Variants in ADO observed in about 807,000 individuals in gnomAD.
The protein encoded by ADO is 2-aminoethanethiol (cysteamine) dioxygenase.
ADO carries 9 observed loss-of-function variants against 16.6 expected under a neutral mutation model. That is an observed-to-expected ratio of 0.54 (90% CI 0.33 to 0.95). The LOEUF is 0.95. Ranked by LOEUF, ADO falls within the 40% of genes least tolerant of loss-of-function variation. The pLI is 0.03. For missense variants in ADO, 356 were observed against 386.4 expected, an observed-to-expected ratio of 0.92 and a Z score of 0.66; for synonymous variants, 189 against 179.6, an observed-to-expected ratio of 1.05 and a Z score of -0.42.
Position 62,805,434 on chromosome 10 carries a change from C to T in ADO, c.375C>T (p.Tyr125=), listed in dbSNP as rs1195494047. The change falls in exon 1 of 1, where the codon TAC becomes TAT. Residue 125 remains tyrosine, a synonymous_variant. Coordinates refer to ENST00000373783, the MANE Select transcript of ADO (RefSeq NM_032804.6). This position sits in a 1 kb window ranked among gnomAD's most constrained non-coding sequence, Gnocchi z 6.4. The part of the protein sequence containing the change: ...PGMHGMLKVL[Y]GTVRISCMDK... ...TGCACGGCATGCTCAAGGTGCTGTACGGCACCGTGCGCATCAGCTGCATGG... is the reference window on the plus strand; with the variant it reads ...TGCACGGCATGCTCAAGGTGCTGTATGGCACCGTGCGCATCAGCTGCATGG... 6 of 1,562,680 alleles carry T rather than the reference C, an allele frequency of 3.8e-6. No individual in the cohort carries two copies. In the African/African-American group the frequency reaches 5.4e-5, roughly 14 times the overall value.
chr10:62,806,114 G>A lies in ADO; in HGVS notation c.*242G>A, dbSNP rs1842051139. 2 of 477,928 alleles carry A rather than the reference G, an allele frequency of 4.2e-6. No individual in the cohort carries two copies. Among genetic ancestry groups the A allele is most frequent in the Middle Eastern group, 5.4e-4 (1 of 1,860 alleles). The allele number at this position is 477,928 out of a possible 1,614,324, so 29.6% of individuals were successfully genotyped here. A position where few individuals can be genotyped will look rare whatever the true frequency, so the allele number is the denominator to read the frequency against. ...CTGCCACTGGGGCTTTGATTTGGAG[G>A]AATGGGGCAGGGGACTATCTGAAGC... On this transcript the variant is annotated 3_prime_UTR_variant, in exon 1 of 1. Transcript: ENST00000373783.
rs1842028546 is a variant in ADO, at chr10:62,804,727, CG to C, written c.-331del. On this transcript the variant is annotated 5_prime_UTR_variant, in exon 1 of 1. Transcript: ENST00000373783. ...ATGCTCCGCAGGGTCCCCGGGCGCC[CG>C]GCCACCGTCGTAGGTGCGGGCCGCA... 5.2e-6 allele frequency: 1 copy of C among 191,412 alleles called. No homozygotes were observed. The highest frequency in any genetic ancestry group is 1.1e-5 in the Non-Finnish European group (1 of 94,078). 11.9% of individuals were successfully genotyped at this position (191,412 alleles called of 1,614,324 possible).
rs1411242487 is a variant in ADO at position 62,805,561 on chromosome 10, G to A, written c.502G>A (p.Gly168Ser). Residue 168 changes from glycine to serine, a missense_variant, in exon 1 of 1, where the codon GGC becomes AGC. Physicochemically the swap from Gly to Ser is moderately conservative, Grantham distance 56 (BLOSUM62 0). Transcript: ENST00000373783. This position sits in a 1 kb window ranked among gnomAD's most constrained non-coding sequence, Gnocchi z 6.4. ...QPREREAVRP[G>S]VLRSRAEYTE... ...CCGGGAGCGAGAAGCCGTGCGGCCGGGCGTGCTGCGTTCGCGGGCCGAGTA... is the reference window on the plus strand; with the variant it reads ...CCGGGAGCGAGAAGCCGTGCGGCCGAGCGTGCTGCGTTCGCGGGCCGAGTA... The A allele has an allele frequency of 6.4e-7, 1 of 1,561,282 alleles. No homozygotes were observed. Among genetic ancestry groups the A allele is most frequent in the Non-Finnish European group, 8.7e-7 (1 of 1,154,280 alleles).
chr10:62,808,044 A>G lies in ADO; in HGVS notation c.*2172A>G, dbSNP rs1842070250. On this transcript the variant is annotated 3_prime_UTR_variant, in exon 1 of 1. Transcript: ENST00000373783. ...AAAAGAAGTTTTAAAGTTTTCAATT[A>G]CGAGCAATTTGGAAGAAAAAACCTA... 1 of 167,200 alleles carries G rather than the reference A, an allele frequency of 6.0e-6. No individual in the cohort carries two copies. The highest frequency in any genetic ancestry group is 1.5e-5 in the Non-Finnish European group (1 of 68,122). The allele number at this position is 167,200 out of a possible 1,614,324, so 10.4% of individuals were successfully genotyped here.
chr10:62,805,248 C>T lies in ADO; in HGVS notation c.189C>T (p.Ala63=). Reference sequence around the variant, plus strand: ...AGAGCCTCCTGACCCAGCTCCGCGCCGAGGACTTGAACATCGCCCCGCGCA... The same window carrying T: ...AGAGCCTCCTGACCCAGCTCCGCGCTGAGGACTTGAACATCGCCCCGCGCA... ...KLKSLLTQLR[A]EDLNIAPRKA... Residue 63 remains alanine, a synonymous_variant, in exon 1 of 1, where the codon GCC becomes GCT. Coordinates refer to ENST00000373783, the MANE Select transcript of ADO (RefSeq NM_032804.6). The surrounding 1 kb of genome is among the most constrained non-coding windows in gnomAD (Gnocchi z 6.4). 6.2e-7 allele frequency: 1 copy of T among 1,603,690 alleles called. No individual in the cohort carries two copies. The highest frequency in any genetic ancestry group is 1.3e-5 in the African/African-American group (1 of 74,434).
rs1181417302 is a variant in ADO, at chr10:62,805,003, C to A, written c.-57C>A. 1.5e-6 allele frequency: 2 copies of A among 1,360,528 alleles called. No homozygotes were observed. The highest frequency in any genetic ancestry group is 4.0e-5 in the Admixed American group (1 of 25,270). The allele number at this position is 1,360,528 out of a possible 1,614,324, so 84.3% of individuals were successfully genotyped here. ...GGCAGCCGTGGCGGCCGCCGGGGACCGCAAGGGGCGGAGGAAAGGAGGGGG... is the reference window on the plus strand; with the variant it reads ...GGCAGCCGTGGCGGCCGCCGGGGACAGCAAGGGGCGGAGGAAAGGAGGGGG... On this transcript the variant is annotated 5_prime_UTR_variant, in exon 1 of 1. Transcript: ENST00000373783. The surrounding 1 kb of genome is among the most constrained non-coding windows in gnomAD (Gnocchi z 6.4).
At position 62,805,373 on chromosome 10, in the gene ADO, G is replaced by A. The variant is rs1008993745; in HGVS notation, c.314G>A (p.Ser105Asn). The A allele has an allele frequency of 6.3e-7, 1 of 1,599,438 alleles. No homozygotes were observed. The highest frequency in any genetic ancestry group is 1.1e-5 in the South Asian group (1 of 89,998). Residue 105 changes from serine to asparagine, a missense_variant, in exon 1 of 1, where the codon AGC becomes AAC. Coordinates refer to ENST00000373783, the MANE Select transcript of ADO (RefSeq NM_032804.6). This position sits in a 1 kb window ranked among gnomAD's most constrained non-coding sequence, Gnocchi z 6.4. ...GFSLGVFLLK[S>N]GTSIPLHDHP... Reference sequence around the variant, plus strand: ...AGCCTGGGCGTGTTCCTGCTCAAGAGCGGCACGTCCATCCCGCTGCACGAC... The same window carrying A: ...AGCCTGGGCGTGTTCCTGCTCAAGAACGGCACGTCCATCCCGCTGCACGAC...
Position 62,806,911 on chromosome 10 carries a change from A to G in ADO, c.*1039A>G, listed in dbSNP as rs1483843719. On this transcript the variant is annotated 3_prime_UTR_variant, in exon 1 of 1. Transcript: ENST00000373783. ...GTTTCATATTCTCTCAGGAACTTTA[A>G]TGTTCCCGACTCGGGTGATTCCAGC... The G allele has an allele frequency of 6.0e-6, 1 of 167,236 alleles. No individual in the cohort carries two copies. The highest frequency in any genetic ancestry group is 1.5e-5 in the Non-Finnish European group (1 of 68,120). 10.4% of individuals were successfully genotyped at this position (167,236 alleles called of 1,614,324 possible).
Position 62,805,617 on chromosome 10 carries a change from A to G in ADO, c.558A>G (p.Thr186=). ...AGGCCAGCGGCCCCTGCATCCTCAC[A>G]CCGCACCGGGACAACCTGCACCAGA... is the stretch of plus-strand genomic sequence containing the variant. ...YTEASGPCIL[T]PHRDNLHQID... Residue 186 remains threonine (T), a synonymous_variant, in exon 1 of 1, where the codon ACA becomes ACG. Coordinates refer to ENST00000373783, the MANE Select transcript of ADO (RefSeq NM_032804.6). The surrounding 1 kb of genome is among the most constrained non-coding windows in gnomAD (Gnocchi z 6.4). 3 of 1,602,998 alleles carry G rather than the reference A, an allele frequency of 1.9e-6. No homozygotes were observed. The highest frequency in any genetic ancestry group is 2.6e-6 in the Non-Finnish European group (3 of 1,175,936).
chr10:62,805,661 C>G lies in ADO; in HGVS notation c.602C>G (p.Pro201Arg). The G allele has an allele frequency of 6.2e-7, 1 of 1,610,300 alleles. No individual in the cohort carries two copies. The highest frequency in any genetic ancestry group is 8.5e-7 in the Non-Finnish European group (1 of 1,178,950). The change falls in exon 1 of 1, where the codon CCT becomes CGT. Residue 201 changes from proline (P) to arginine (R), a missense_variant. Transcript: ENST00000373783. This position sits in a 1 kb window ranked among gnomAD's most constrained non-coding sequence, Gnocchi z 6.4. The stretch of plus-strand genomic sequence containing the variant: ...CACCAGATCGACGCCGTGGAAGGGC[C>G]TGCCGCCTTCCTGGACATCCTGGCC... The part of the protein sequence containing the change: ...NLHQIDAVEG[P>R]AAFLDILAPP...
chr10:62,805,102 C>A lies in ADO; in HGVS notation c.43C>A (p.Arg15Ser), dbSNP rs377430884. ...NMASLIQRIA[R>S]QACLTFRGSG... ...GGCCTCCTTGATCCAACGGATCGCC[C>A]GCCAGGCTTGCCTCACCTTCCGGGG... The change falls in exon 1 of 1, where the codon CGC becomes AGC. Residue 15 changes from arginine (R) to serine (S), a missense_variant. Arg to Ser is a moderately radical substitution (Grantham distance 110). Transcript: ENST00000373783. This position sits in a 1 kb window ranked among gnomAD's most constrained non-coding sequence, Gnocchi z 6.4. 3 of 1,532,128 alleles carry A rather than the reference C, an allele frequency of 2.0e-6. No individual in the cohort carries two copies. The highest frequency in any genetic ancestry group is 2.1e-5 in the Admixed American group (1 of 47,208). The allele number at this position is 1,532,128 out of a possible 1,614,324, so 94.9% of individuals were successfully genotyped here.
chr10:62,805,503 G>T lies in ADO; in HGVS notation c.444G>T (p.Pro148=), dbSNP rs1387795978. The change falls in exon 1 of 1, where the codon CCG becomes CCT. Residue 148 remains proline (P), a synonymous_variant. Coordinates refer to ENST00000373783, the MANE Select transcript of ADO (RefSeq NM_032804.6). The surrounding 1 kb of genome is among the most constrained non-coding windows in gnomAD (Gnocchi z 6.4). Reference sequence around the variant, plus strand: ...GCGGGCAACGGCCGCGGGCCTTGCCGCCCGAGCAGCAGTTCGAGCCGCCGC... The same window carrying T: ...GCGGGCAACGGCCGCGGGCCTTGCCTCCCGAGCAGCAGTTCGAGCCGCCGC... ...AGGGQRPRAL[P]PEQQFEPPLQ... 14 of 1,537,496 alleles carry T rather than the reference G, an allele frequency of 9.1e-6. No homozygotes were observed. The highest frequency in any genetic ancestry group is 2.0e-5 in the Admixed American group (1 of 50,388).
rs1331223319 is a variant in ADO at position 62,805,684 on chromosome 10, G to T, written c.625G>T (p.Ala209Ser). 6.2e-7 allele frequency: 1 copy of T among 1,610,780 alleles called. No individual in the cohort carries two copies. Among genetic ancestry groups the T allele is most frequent in the Admixed American group, 1.7e-5 (1 of 59,764 alleles). ...EGPAAFLDIL[A>S]PPYDPDDGRD... is the part of the protein sequence containing the mutation. ...GCCTGCCGCCTTCCTGGACATCCTG[G>T]CCCCGCCCTACGACCCGGACGATGG... The change falls in exon 1 of 1, where the codon GCC (alanine) becomes TCC (serine). Residue 209 changes from alanine (A) to serine (S), a missense_variant. Physicochemically the swap from Ala to Ser is moderately conservative, Grantham distance 99 (BLOSUM62 1). Transcript: ENST00000373783. The surrounding 1 kb of genome is among the most constrained non-coding windows in gnomAD (Gnocchi z 6.4).
Position 62,805,491 on chromosome 10 carries a change from G to T in ADO, c.432G>T (p.Pro144=). The T allele has an allele frequency of 6.5e-7, 1 of 1,537,498 alleles. No homozygotes were observed. Reference sequence around the variant, plus strand: ...TAGACGCGGGCGGCGGGCAACGGCCGCGGGCCTTGCCGCCCGAGCAGCAGT... The same window carrying T: ...TAGACGCGGGCGGCGGGCAACGGCCTCGGGCCTTGCCGCCCGAGCAGCAGT... ...DKLDAGGGQR[P]RALPPEQQFE... Residue 144 remains proline (P), a synonymous_variant, in exon 1 of 1, where the codon CCG becomes CCT. Transcript: ENST00000373783. The surrounding 1 kb of genome is among the most constrained non-coding windows in gnomAD (Gnocchi z 6.4).
rs1276114459 is a variant in ADO at position 62,806,122 on chromosome 10, CA to C, written c.*251del. On this transcript the variant is annotated 3_prime_UTR_variant, in exon 1 of 1. Coordinates refer to ENST00000373783, the MANE Select transcript of ADO (RefSeq NM_032804.6). ...GGGGCTTTGATTTGGAGGAATGGGG[CA>C]GGGGACTATCTGAAGCGCTTCCATC... 1 of 462,724 alleles carries C rather than the reference CA, an allele frequency of 2.2e-6. No individual in the cohort carries two copies. Among genetic ancestry groups the C allele is most frequent in the African/African-American group, 2.1e-5 (1 of 48,632 alleles). The allele number at this position is 462,724 out of a possible 1,614,324, so 28.7% of individuals were successfully genotyped here.
rs1475696093 is a variant in ADO at position 62,805,152 on chromosome 10, C to T, written c.93C>T (p.Ser31=). The change falls in exon 1 of 1, where the codon TCC becomes TCT. Residue 31 remains serine (S), a synonymous_variant. Transcript: ENST00000373783. This position sits in a 1 kb window ranked among gnomAD's most constrained non-coding sequence, Gnocchi z 6.4. ...GCAGCGGGGGCGGCCGCGGCGCTTCCGATCGCGACGCGGCTTCTGGCCCGG... is the reference window on the plus strand; with the variant it reads ...GCAGCGGGGGCGGCCGCGGCGCTTCTGATCGCGACGCGGCTTCTGGCCCGG... ...FRGSGGGRGA[S]DRDAASGPEA... 2 of 1,585,896 alleles carry T rather than the reference C, an allele frequency of 1.3e-6. No homozygotes were observed.
Position 62,806,152 on chromosome 10 carries a change from A to C in ADO, c.*280A>C. 2.7e-6 allele frequency: 1 copy of C among 369,000 alleles called. No homozygotes were observed. The highest frequency in any genetic ancestry group is 5.0e-6 in the Non-Finnish European group (1 of 198,190). The allele number at this position is 369,000 out of a possible 1,614,324, so 22.9% of individuals were successfully genotyped here. ...GACTATCTGAAGCGCTTCCATCCTA[A>C]AGCCATAATGAAAATATCTTCCTCT... is the stretch of plus-strand genomic sequence containing the variant. On this transcript the variant is annotated 3_prime_UTR_variant, in exon 1 of 1. Coordinates refer to ENST00000373783, the MANE Select transcript of ADO (RefSeq NM_032804.6).
Position 62,804,771 on chromosome 10 carries a change from G to T in ADO, c.-289G>T, listed in dbSNP as rs929101698. On this transcript the variant is annotated 5_prime_UTR_variant, in exon 1 of 1. Transcript: ENST00000373783. ...GGGCCGCATGAATGGAGCGCCGGGC[G>T]TAAGGCAAAGCCTGGCACCGTCTGC... is the stretch of plus-strand genomic sequence containing the variant. 2.2e-5 allele frequency: 5 copies of T among 225,894 alleles called. No individual in the cohort carries two copies. The highest frequency in any genetic ancestry group is 1.0e-4 in the East Asian group (1 of 10,010). 14.0% of individuals were successfully genotyped at this position (225,894 alleles called of 1,614,324 possible).
In ADO at chr10:62,805,036, C is replaced by T; in HGVS notation, c.-24C>T. The T allele has an allele frequency of 1.4e-6, 2 of 1,436,740 alleles. No individual in the cohort carries two copies. The highest frequency in any genetic ancestry group is 9.1e-7 in the Non-Finnish European group (1 of 1,097,256). The allele number at this position is 1,436,740 out of a possible 1,614,324, so 89.0% of individuals were successfully genotyped here. On this transcript the variant is annotated 5_prime_UTR_variant, in exon 1 of 1. Coordinates refer to ENST00000373783, the MANE Select transcript of ADO (RefSeq NM_032804.6). This position sits in a 1 kb window ranked among gnomAD's most constrained non-coding sequence, Gnocchi z 6.4. ...GCGGAGGAAAGGAGGGGGCCGGTCCCGGCACGCAGAGGAGCAGCCGACCAT... is the reference window on the plus strand; with the variant it reads ...GCGGAGGAAAGGAGGGGGCCGGTCCTGGCACGCAGAGGAGCAGCCGACCAT...
Sources: gnomAD v4.1 joint callset for allele counts on GRCh38, gnomAD v4.1.1 for gene constraint, Gnocchi (gnomAD v3.1) non-coding constraint, MANE v1.5 for transcripts, NCBI Gene and HGNC (gene_info 2026-07-23, HGNC 2026-07-21) for gene names.